The following WDR62 variants were observed in gnomAD, a reference collection of about 807,000 sequenced individuals.
WDR62 encodes the protein WD repeat domain 62, also known as WD repeat-containing protein 62.
WDR62 carries 112 observed loss-of-function variants against 160.6 expected under a neutral mutation model. That is an observed-to-expected ratio of 0.70 (90% confidence interval 0.60 to 0.82). The LOEUF (loss-of-function observed/expected upper bound fraction) is 0.82. Ranked by LOEUF, WDR62 falls within the 40% of genes least tolerant of loss-of-function variation. The pLI is 0.00. For synonymous variants in WDR62, 792 were observed against 815.1 expected (o/e 0.97, Z 0.48); for missense variants, 1,819 against 1,983.8 (o/e 0.92, Z 1.58).
chr19:36,071,604 G>T lies in WDR62; in HGVS notation c.931G>T (p.Gly311Cys), dbSNP rs1333169308. The change falls in exon 8 of 32, where the codon GGC (glycine) becomes TGC (cysteine). Residue 311 changes from glycine (G) to cysteine (C), a missense_variant. Physicochemically the swap from Gly to Cys is radical, Grantham distance 159. This residue lies in a region of WDR62 where 934 missense variants were observed against 1,157.2 expected (regional missense o/e 0.81). Coordinates refer to ENST00000401500, the MANE Select transcript of WDR62 (RefSeq NM_001083961.2). ...TGTCAGCCAGGAGCTCATCTTCTGT[G>T]GCTGCACAGATGGGATAGTCCGCAT... ...LCVSQELIFC[G>C]CTDGIVRIFQ... 1 of 1,614,212 alleles carries T rather than the reference G, an allele frequency of 6.2e-7. No individual in the cohort carries two copies.
chr19:36,097,167 T>C (rs1306082913), intron 21 of WDR62, 88 bp downstream of exon 21: 3 of 1,305,544 alleles, frequency 2.3e-6, no homozygotes, highest in African/African-American at 2.9e-5. Context: ...TTCCTTTCCA[T>C]GTCCCTCTTT....
chr19:36,101,830 G>T, intron 25 of WDR62, 56 bp downstream of exon 25: 1 of 1,512,290 alleles, frequency 6.6e-7, no homozygotes, highest in Non-Finnish European at 9.0e-7. Flanking sequence ...CTTAGGGCCA[G>T]TCACAATGTC....
chr19:36,084,916 G>A (rs1972121219), intron 12 of WDR62, among the ~76,000 whole-genome samples, 172 bp downstream of exon 12: 1 of 152,164 alleles, frequency 6.6e-6, no homozygotes, highest in South Asian at 2.1e-4. Flanking sequence ...TGGGACTTCA[G>A]AAAGCAAGAC....
At position 36,075,419 on chromosome 19, in the gene WDR62, T is replaced by C. The variant is rs375857099; in HGVS notation, c.1233+1888T>C. On this transcript the variant is annotated intron_variant, in intron 9 of 31. Coordinates refer to ENST00000401500, the MANE Select transcript of WDR62 (RefSeq NM_001083961.2). ...CTGAAAATAAAAATCACACAAAAGA[T>C]ATGTAGAGTTTATCAATTATTGTTA... is the stretch of plus-strand genomic sequence containing the variant. The C allele has an allele frequency of 3.9e-5, 6 of 152,040 alleles. No individual in the cohort carries two copies. The East Asian group carries it at 1.2e-3, about 29-fold the overall frequency. The allele number at this position is 152,040 out of a possible 1,614,324, so 9.4% of individuals were successfully genotyped here. A position where few individuals can be genotyped will look rare whatever the true frequency, so the allele number is the denominator to read the frequency against.
intron 22 of WDR62, among the ~76,000 whole-genome samples, chr19:36,099,975 G>A (rs1247320153): frequency 6.6e-6 from 1 of 152,146 alleles, no homozygotes; most frequent in Non-Finnish European, 1.5e-5. Context: ...ATGGGGTCAG[G>A]GGCAGTGGCT....
downstream of WDR62, among the ~76,000 whole-genome samples, chr19:36,105,263 C>A (rs1973683777): frequency 1.3e-5 from 2 of 152,130 alleles, no homozygotes; most frequent in Admixed American, 6.6e-5. Context: ...GCCATGACCT[C>A]AGGGCCAGTC....
At chr19:36,100,619 C>T (rs769603226) in intron 22 of WDR62, 129 bp from the exon 23 acceptor site, 7 of 1,394,480 alleles carry the variant, frequency 5.0e-6, no homozygotes, top group South Asian at 2.4e-5. Context: ...AAGCTGGTTG[C>T]GAGTGGAGGG....
chr19:36,090,196 C>T (rs1234336632), intron 15 of WDR62, among the ~76,000 whole-genome samples: 1 of 152,156 alleles, frequency 6.6e-6, no homozygotes, highest in Non-Finnish European at 1.5e-5. Context: ...GGCTCTGCAC[C>T]CCTTCCCAGT....
chr19:36,067,573 T>C, intron 6 of WDR62, 130 bp downstream of exon 6: 1 of 1,356,906 alleles, frequency 7.4e-7, no homozygotes, highest in South Asian at 1.2e-5. Flanking sequence ...GGGGCCCAGC[T>C]GCTGCTTCTG....
chr19:36,100,936 C>T, intron 23 of WDR62, 61 bp downstream of exon 23: 2 of 1,612,030 alleles, frequency 1.2e-6, no homozygotes, highest in Non-Finnish European at 1.7e-6. Flanking sequence ...ATAGCTGCAT[C>T]CTGGAAGAAG....
chr19:36,108,847 C>T (rs1973755882), downstream of WDR62, among the ~76,000 whole-genome samples: 1 of 126,470 alleles, frequency 7.9e-6, no homozygotes, highest in Non-Finnish European at 1.6e-5. Flanking sequence ...AAGCAAGGCC[C>T]TGTCTCAAAA....
In WDR62 at chr19:36,090,531, G is replaced by C. The variant is rs369308800; in HGVS notation, c.2034+11G>C. The C allele has an allele frequency of 1.2e-6, 2 of 1,613,598 alleles. No homozygotes were observed. Among genetic ancestry groups the C allele is most frequent in the African/African-American group, 2.7e-5 (2 of 74,908 alleles). ...GGGTCCTTGCTGAAGGTGAGGAGTT[G>C]GAGACCCCTGTCTGTCTGCTGCCCT... On this transcript the variant is annotated intron_variant, in intron 16 of 31. Coordinates refer to ENST00000401500, the MANE Select transcript of WDR62 (RefSeq NM_001083961.2).
chr19:36,060,125 C>A, intron 3 of WDR62, 95 bp downstream of exon 3: 1 of 1,254,730 alleles, frequency 8.0e-7, no homozygotes, highest in Non-Finnish European at 1.2e-6. Flanking sequence ...TGGGTAGGTG[C>A]TCACTCATTC....
intron 25 of WDR62, 99 bp downstream of exon 25, chr19:36,101,873 GC>G: frequency 6.6e-7 from 1 of 1,524,590 alleles, no homozygotes. Flanking sequence ...AGCCCACTGA[GC>G]CTGGAAGACG....
chr19:36,102,639 G>C (rs771423690), intron 26 of WDR62, 98 bp from the exon 27 acceptor site: 349 of 1,005,040 alleles, frequency 3.5e-4, no homozygotes, highest in Non-Finnish European at 5.1e-4. Context: ...CTGTACATAA[G>C]GGTTTCTGGG....
At chr19:36,071,963 G>C (rs892074051) in intron 8 of WDR62, among the ~76,000 whole-genome samples, 3 of 152,258 alleles carry the variant, frequency 2.0e-5, no homozygotes, top group African/African-American at 7.2e-5. Context: ...TCAGATAGCG[G>C]TCAGCATGGT....
At chr19:36,092,841 G>T in intron 19 of WDR62, 30 bp downstream of exon 19, 2 of 1,613,418 alleles carry the variant, frequency 1.2e-6, no homozygotes, top group South Asian at 2.2e-5. Flanking sequence ...GTCCACCAGA[G>T]GGATGAGTCC....
intron 12 of WDR62, 32 bp from the exon 13 acceptor site, chr19:36,086,655 T>C: frequency 6.3e-7 from 1 of 1,584,344 alleles, no homozygotes; most frequent in Non-Finnish European, 8.6e-7. Context: ...CACGCAGCCT[T>C]CAGGAACCAG....
Position 36,099,221 on chromosome 19 carries a change from C to CAA in WDR62, c.2521-156_2521-155dup, listed in dbSNP as rs71167592. Among the ~76,000 whole-genome samples the CAA allele has an allele frequency of 7.1e-3, 539 of 75,934 alleles. 4 individuals are homozygous for CAA. The highest frequency in any genetic ancestry group is 0.016 in the Middle Eastern group (2 of 122). 49.8% of individuals were successfully genotyped at this position (75,934 alleles called of 152,430 possible). A position where few individuals can be genotyped will look rare whatever the true frequency, so the allele number is the denominator to read the frequency against. On this transcript the variant is annotated intron_variant, in intron 21 of 31. Transcript: ENST00000401500. ...TGGGAGACAGAGCAAGACTTCGTCT[C>CAA]AAAAAAAAAAAAAAAAAAAAAAACA...
Sources: allele counts gnomAD v4.1 joint callset (sites outside exome capture counted in the v4.1 genomes callset), GRCh38; gene constraint gnomAD v4.1.1; regional missense constraint gnomAD v4.1.1; transcripts MANE v1.5; gene names NCBI Gene and HGNC (gene_info 2026-07-23, HGNC 2026-07-21).